The following NCAPG2 variants were observed in gnomAD, a reference collection of about 807,000 sequenced individuals.
The protein encoded by NCAPG2 is non-SMC condensin II complex subunit G2.
A neutral mutation model predicts 141.1 loss-of-function variants in NCAPG2; 53 were observed. The observed-to-expected ratio is 0.38, with a 90% CI of 0.30 to 0.47. The LOEUF is 0.47. Among genes scored for constraint, NCAPG2 ranks in the 20% least tolerant of loss-of-function variants. The probability of loss-of-function intolerance (pLI) is 0.99; values close to 1 mark genes in which losing one functional copy is unlikely to be tolerated. For synonymous variants in NCAPG2, 499 were observed against 490.7 expected, an observed-to-expected ratio of 1.02 and a Z score of -0.22; for missense variants, 1,087 against 1,389.0, an observed-to-expected ratio of 0.78 and a Z score of 3.46.
intron 11 of NCAPG2, among the ~76,000 whole-genome samples, chr7:158,676,503 C>T (rs1834059045): frequency 6.6e-6 from 1 of 151,832 alleles, no homozygotes; most frequent in African/African-American, 2.4e-5. Context: ...AAGCAATCAT[C>T]GTTAATTTAT....
At chr7:158,639,449 T>C (rs1830494146) in intron 27 of NCAPG2, among the ~76,000 whole-genome samples, 1 of 152,246 alleles carries the variant, frequency 6.6e-6, no homozygotes, top group African/African-American at 2.4e-5. Context: ...GGTACACATA[T>C]TATTTACATT....
chr7:158,646,151 G>T (rs910193595), intron 25 of NCAPG2, among the ~76,000 whole-genome samples: 1 of 152,140 alleles, frequency 6.6e-6, no homozygotes, highest in Non-Finnish European at 1.5e-5. Flanking sequence ...AGCACACTTG[G>T]TAAGAAGTAT....
Position 158,700,188 on chromosome 7 carries a change from C to T in NCAPG2, c.78+1634G>A, listed in dbSNP as rs191473417. Among the ~76,000 whole-genome samples, 34 of 152,338 alleles carry T rather than the reference C, an allele frequency of 2.2e-4. No individual in the cohort carries two copies. In the East Asian group the frequency reaches 6.2e-3, roughly 28 times the overall value. ...TTTTCATTTTTACACGTAAGAGCCA[C>T]ACGGTGACTAGGTACTAAGCTGAAC... On this transcript the variant is annotated intron_variant, in intron 2 of 27. Coordinates refer to ENST00000356309, the MANE Select transcript of NCAPG2 (RefSeq NM_017760.7).
intron 8 of NCAPG2, among the ~76,000 whole-genome samples, chr7:158,683,678 A>G (rs1164002584): frequency 1.3e-5 from 2 of 152,214 alleles, no homozygotes; most frequent in Non-Finnish European, 2.9e-5. Flanking sequence ...GCTAGTTCAA[A>G]TCAGACAAAT....
At chr7:158,704,675 C>G (rs1303117050) in intron 1 of NCAPG2, 49 bp downstream of exon 1, 2 of 152,540 alleles carry the variant, frequency 1.3e-5, no homozygotes, top group African/African-American at 4.8e-5. Context: ...CCTGCTACTT[C>G]CCAGCCCCTG....
intron 13 of NCAPG2, among the ~76,000 whole-genome samples, chr7:158,668,858 C>G (rs1043560135): frequency 6.6e-6 from 1 of 152,100 alleles, no homozygotes; most frequent in African/African-American, 2.4e-5. Context: ...CACAGATCAT[C>G]CCATTACCTA....
intron 25 of NCAPG2, among the ~76,000 whole-genome samples, chr7:158,645,952 T>C (rs1263129170): frequency 6.6e-6 from 1 of 152,248 alleles, no homozygotes; most frequent in African/African-American, 2.4e-5. Flanking sequence ...TTTCATTGAA[T>C]GTATCTGCTA....
chr7:158,665,565 A>G (rs1832864244), intron 13 of NCAPG2, among the ~76,000 whole-genome samples: 1 of 152,226 alleles, frequency 6.6e-6, no homozygotes, highest in African/African-American at 2.4e-5. Flanking sequence ...CCTTCTTTCT[A>G]GTATTTTCAA....
Position 158,662,333 on chromosome 7 carries a change from G to T in NCAPG2, c.1850C>A (p.Ala617Glu). Residue 617 changes from alanine to glutamate, a missense_variant, in exon 16 of 28, where the codon GCA becomes GAA. Coordinates refer to ENST00000356309, the MANE Select transcript of NCAPG2 (RefSeq NM_017760.7). Reference protein sequence around the residue: ...LDKTLSVNDVACMAGLLEIIV... With the variant: ...LDKTLSVNDVECMAGLLEIIV... ...GATTTCTAGTAAACCTGCCATGCAT[G>T]CAACATCGTTTACTGACAGTGTTTT... The T allele has an allele frequency of 6.3e-7, 1 of 1,597,854 alleles. No individual in the cohort carries two copies. The highest frequency in any genetic ancestry group is 8.5e-7 in the Non-Finnish European group (1 of 1,173,438).
At chr7:158,703,489 T>G (rs1835935497) in intron 1 of NCAPG2, among the ~76,000 whole-genome samples, 1 of 152,218 alleles carries the variant, frequency 6.6e-6, no homozygotes, top group African/African-American at 2.4e-5. Flanking sequence ...TATTCCTATA[T>G]TTCCCATTTT....
intron 1 of NCAPG2, among the ~76,000 whole-genome samples, chr7:158,703,172 G>C (rs1349763129): frequency 6.6e-6 from 1 of 152,244 alleles, no homozygotes; most frequent in Admixed American, 6.5e-5. Context: ...TAACGACAAC[G>C]TGTCTCCCTC....
intron 13 of NCAPG2, chr7:158,668,237 C>CCGCCTTCCTTACCTACCT: frequency 2.7e-6 from 1 of 366,640 alleles, no homozygotes; most frequent in Non-Finnish European, 3.1e-6. Flanking sequence ...CTGGGTCCCT[C>CCGCCTTCCTTACCTACCT]TGCCCTCCTT....
chr7:158,689,917 C>G lies in NCAPG2; in HGVS notation c.574G>C (p.Ala192Pro), dbSNP rs1475462904. ...DVCRLWRIHQ[A>P]LYCFDYDLEE... The stretch of plus-strand genomic sequence containing the variant: ...AAATCATAATCAAAGCAATATAAAG[C>G]TTGATGGATACGCCAAAGCCGACAT... Residue 192 changes from alanine (A) to proline (P), a missense_variant, in exon 6 of 28, where the codon GCT (alanine) becomes CCT (proline). By Grantham distance (27) the Ala-to-Pro change is conservative. Coordinates refer to ENST00000356309, the MANE Select transcript of NCAPG2 (RefSeq NM_017760.7). 1 of 1,603,572 alleles carries G rather than the reference C, an allele frequency of 6.2e-7. No homozygotes were observed. Among genetic ancestry groups the G allele is most frequent in the South Asian group, 1.1e-5 (1 of 88,456 alleles).
At chr7:158,651,084 G>C in intron 23 of NCAPG2, 112 bp from the exon 24 acceptor site, 1 of 1,160,068 alleles carries the variant, frequency 8.6e-7, no homozygotes, top group Non-Finnish European at 1.1e-6. Flanking sequence ...GACTCAAGGA[G>C]TCACTGATCT....
chr7:158,649,662 A>T (rs933793392), intron 24 of NCAPG2, among the ~76,000 whole-genome samples: 11 of 152,212 alleles, frequency 7.2e-5, no homozygotes, highest in Admixed American at 5.9e-4. Flanking sequence ...ATTCTATTTG[A>T]TGTTTTAGAA....
intron 12 of NCAPG2, among the ~76,000 whole-genome samples, chr7:158,673,702 G>A (rs561087527): frequency 6.6e-6 from 1 of 152,348 alleles, no homozygotes; most frequent in Non-Finnish European, 1.5e-5. Flanking sequence ...GGGACCAGCC[G>A]CATGCAAACC....
intron 27 of NCAPG2, among the ~76,000 whole-genome samples, chr7:158,635,520 T>C (rs936320424): frequency 6.6e-6 from 1 of 152,338 alleles, no homozygotes; most frequent in East Asian, 1.9e-4. Context: ...TTATTTATAT[T>C]TGTAATTTAT....
chr7:158,688,465 A>C (rs895493500), intron 6 of NCAPG2, among the ~76,000 whole-genome samples: 2 of 152,226 alleles, frequency 1.3e-5, no homozygotes, highest in Non-Finnish European at 2.9e-5. Context: ...TTATTGTTTG[A>C]ATCCATCATT....
In NCAPG2 at chr7:158,687,448, A is replaced by G. The variant is rs769892069; in HGVS notation, c.673-6T>C. 6.3e-7 allele frequency: 1 copy of G among 1,579,462 alleles called. No individual in the cohort carries two copies. The highest frequency in any genetic ancestry group is 1.4e-5 in the African/African-American group (1 of 73,490). On this transcript the variant is annotated splice_region_variant and splice_polypyrimidine_tract_variant and intron_variant, in intron 6 of 27. Coordinates refer to ENST00000356309, the MANE Select transcript of NCAPG2 (RefSeq NM_017760.7). ...CAACTAAGAAATCTTCTTCCCTAGA[A>G]ATAAAAAAGGATAGAATGTTTACAT...
Sources: allele counts gnomAD v4.1 joint callset (sites outside exome capture counted in the v4.1 genomes callset), GRCh38; gene constraint gnomAD v4.1.1; transcripts MANE v1.5; gene names NCBI Gene and HGNC (gene_info 2026-07-23, HGNC 2026-07-21).